SUGCT: variants seen among roughly 807,000 people sequenced by gnomAD.
SUGCT encodes succinyl-CoA:glutarate CoA-transferase.
A neutral mutation model predicts 55.0 loss-of-function variants in SUGCT; 41 were observed. The ratio of observed to expected loss-of-function variants is 0.74; its 90% CI spans 0.58 to 0.97. The LOEUF is 0.97. SUGCT is among the 50% of genes least tolerant of loss of function. The pLI, the probability that SUGCT is intolerant of heterozygous loss-of-function variation, is 0.00. For synonymous variants in SUGCT, 187 were observed against 200.4 expected (o/e 0.93, Z 0.56); for missense variants, 568 against 547.8 (o/e 1.04, Z -0.37).
intron 9 of SUGCT, among the ~76,000 whole-genome samples, chr7:40,368,750 T>G (rs1373210664): frequency 1.3e-5 from 2 of 152,182 alleles, no homozygotes; most frequent in Non-Finnish European, 1.5e-5. Flanking sequence ...ATTTGGCTGA[T>G]TTTTAGAGTA....
At chr7:40,720,412 G>A (rs1786265278) in intron 12 of SUGCT, among the ~76,000 whole-genome samples, 1 of 152,204 alleles carries the variant, frequency 6.6e-6, no homozygotes, top group Non-Finnish European at 1.5e-5. Flanking sequence ...TGGAGATGCT[G>A]TATATCAAAT....
chr7:40,343,725 C>T (rs1017300951), intron 9 of SUGCT, among the ~76,000 whole-genome samples: 3 of 152,112 alleles, frequency 2.0e-5, no homozygotes, highest in East Asian at 1.9e-4. Flanking sequence ...GGCGCAATCT[C>T]GGCTCATTGC....
intron 8 of SUGCT, among the ~76,000 whole-genome samples, chr7:40,285,609 T>C (rs1662777752): frequency 6.6e-6 from 1 of 152,114 alleles, no homozygotes; most frequent in African/African-American, 2.4e-5. Context: ...GTCTGTAAAC[T>C]AGATCATGTC....
intron 11 of SUGCT, among the ~76,000 whole-genome samples, chr7:40,487,250 GTTTTT>G (rs1167865633): frequency 2.3e-5 from 1 of 42,902 alleles, no homozygotes; most frequent in African/African-American, 9.3e-5. Context: ...ACACCCAGCT[GTTTTT>G]TTTTTTTTTT....
At chr7:40,559,825 C>A (rs965158088) in intron 12 of SUGCT, among the ~76,000 whole-genome samples, 1 of 152,200 alleles carries the variant, frequency 6.6e-6, no homozygotes, top group African/African-American at 2.4e-5. Flanking sequence ...TTCCATTTAA[C>A]AAGAACTTTT....
At chr7:40,518,878 A>G (rs893652884) in intron 12 of SUGCT, among the ~76,000 whole-genome samples, 1 of 152,132 alleles carries the variant, frequency 6.6e-6, no homozygotes, top group African/African-American at 2.4e-5. Context: ...TATTTGAGTT[A>G]CAACTCAAAA....
intron 12 of SUGCT, among the ~76,000 whole-genome samples, chr7:40,737,815 T>G (rs375437120): frequency 1.1e-4 from 16 of 152,154 alleles, no homozygotes; most frequent in African/African-American, 3.4e-4. Context: ...TCCCAGCTAC[T>G]TGGGAGGCTG....
At chr7:40,548,989 G>A (rs1795158194) in intron 12 of SUGCT, among the ~76,000 whole-genome samples, 2 of 152,114 alleles carry the variant, frequency 1.3e-5, no homozygotes, top group South Asian at 2.1e-4. Context: ...TTACCCGGAG[G>A]CCCTCACTGA....
At chr7:40,867,226 G>A in the SUGCT span, among the ~76,000 whole-genome samples, 1 of 149,160 alleles carries the variant, frequency 6.7e-6, no homozygotes, top group Non-Finnish European at 1.5e-5. Flanking sequence ...CCATATATAT[G>A]TCTCTATCTC....
At chr7:40,327,563 CTGACATATAG>C (rs894114527) in intron 9 of SUGCT, among the ~76,000 whole-genome samples, 2 of 152,220 alleles carry the variant, frequency 1.3e-5, no homozygotes, top group African/African-American at 4.8e-5. Flanking sequence ...AGAATTCCCT[CTGACATATAG>C]TGTTTTAAAT....
At chr7:40,985,181 T>G in the SUGCT span, among the ~76,000 whole-genome samples, 2 of 152,148 alleles carry the variant, frequency 1.3e-5, no homozygotes, top group African/African-American at 4.8e-5. Context: ...CAAGTTGAAA[T>G]TGCAAATTGT....
Position 40,595,642 on chromosome 7 carries a change from C to CA in SUGCT, c.1089+99269dup, listed in dbSNP as rs11365939. Among the ~76,000 whole-genome samples, 906 of 121,666 alleles carry CA rather than the reference C, an allele frequency of 7.4e-3. 1 individual carries two copies. The highest frequency in any genetic ancestry group is 0.014 in the Middle Eastern group (3 of 216). 79.8% of individuals were successfully genotyped at this position (121,666 alleles called of 152,430 possible). A position where few individuals can be genotyped will look rare whatever the true frequency, so the allele number is the denominator to read the frequency against. ...CTTTTTTCTTTTCTTTTTCATGCCA[C>CA]AAAAAAAAAAAAAGTACGGTAAATT... is the stretch of plus-strand genomic sequence containing the variant. On this transcript the variant is annotated intron_variant, in intron 12 of 13. Transcript: ENST00000335693.
Position 40,155,479 on chromosome 7 carries a change from A to G in SUGCT, c.100+20359A>G, listed in dbSNP as rs1180998282. Among the ~76,000 whole-genome samples the G allele has an allele frequency of 3.9e-5, 6 of 152,154 alleles. No homozygotes were observed. The South Asian group carries it at 1.0e-3, about 26-fold the overall frequency. On this transcript the variant is annotated intron_variant, in intron 1 of 13. Transcript: ENST00000335693. ...GCTCGTTTTTGTGAGCAACATAGGT[A>G]TGGTTCCCACAAAAAGATCCTTGTA...
the SUGCT span, among the ~76,000 whole-genome samples, chr7:40,904,013 C>T: frequency 3.3e-5 from 5 of 152,178 alleles, no homozygotes; most frequent in African/African-American, 9.7e-5. Flanking sequence ...GCTTACATCA[C>T]GCATACCATC....
intron 13 of SUGCT, among the ~76,000 whole-genome samples, chr7:40,848,312 T>A (rs540142478): frequency 1.2e-3 from 179 of 152,290 alleles, no homozygotes; most frequent in African/African-American, 3.7e-3. Flanking sequence ...CCACTCTACC[T>A]TGTACCTGGC....
chr7:40,774,977 G>A (rs542355742), intron 13 of SUGCT, among the ~76,000 whole-genome samples: 2 of 152,150 alleles, frequency 1.3e-5, no homozygotes, highest in African/African-American at 2.4e-5. Flanking sequence ...TGCAATTCTT[G>A]TTATTGGAAA....
At chr7:40,563,524 A>G (rs1429242834) in intron 12 of SUGCT, among the ~76,000 whole-genome samples, 1 of 151,348 alleles carries the variant, frequency 6.6e-6, no homozygotes, top group Non-Finnish European at 1.5e-5. Context: ...TGGACAACAT[A>G]GTGAGACCTT....
At chr7:40,320,606 A>G (rs1245584588) in intron 9 of SUGCT, among the ~76,000 whole-genome samples, 6 of 152,282 alleles carry the variant, frequency 3.9e-5, no homozygotes, top group Non-Finnish European at 8.8e-5. Context: ...CATAGCCTGC[A>G]TCTATCTAAA....
chr7:40,806,830 G>A (rs1791121337), intron 13 of SUGCT, among the ~76,000 whole-genome samples: 1 of 152,288 alleles, frequency 6.6e-6, no homozygotes, highest in Non-Finnish European at 1.5e-5. Context: ...TTTCAACTAG[G>A]CTCTACCCAG....
Sources: gnomAD v4.1 joint callset for allele counts (sites outside exome capture counted in the v4.1 genomes callset) on GRCh38, gnomAD v4.1.1 for gene constraint, MANE v1.5 for transcripts, NCBI Gene and HGNC (gene_info 2026-07-23, HGNC 2026-07-21) for gene names.